TRO: variants seen among roughly 807,000 people sequenced by gnomAD.
The protein encoded by TRO is MAGE superfamily protein.
In TRO, 29 loss-of-function variants were observed where a neutral mutation model predicts 42.3. The observed-to-expected ratio is 0.68, with a 90% CI of 0.51 to 0.93. TRO has a LOEUF of 0.93. Among genes scored for constraint, TRO ranks in the 40% least tolerant of loss-of-function variants. The pLI is 0.00. For missense variants in TRO, 963 were observed against 1,127.7 expected (o/e 0.85, Z 2.09); for synonymous variants, 384 against 425.2 (o/e 0.90, Z 1.19).
Position 54,923,285 on chromosome X carries a change from C to T in TRO, c.753C>T (p.Ser251=). ...CCAGTATCCACACCACAGCAGCCTC[C>T]ATCCGAACCAAGAAAGCCTCCAAAG... is the stretch of plus-strand genomic sequence containing the variant. The part of the protein sequence containing the change: ...ETASIHTTAA[S]IRTKKASKAR... The change falls in exon 3 of 13, where the codon TCC becomes TCT. Residue 251 remains serine, a synonymous_variant. Transcript: ENST00000173898. 1 of 1,211,585 alleles carries T rather than the reference C, an allele frequency of 8.3e-7. No individual in the cohort carries two copies. Among genetic ancestry groups the T allele is most frequent in the Non-Finnish European group, 1.1e-6 (1 of 895,429 alleles).
Position 54,928,907 on chromosome X carries a change from G to A in TRO, c.2183G>A (p.Ser728Asn), listed in dbSNP as rs1472215159. The stretch of plus-strand genomic sequence containing the variant: ...AACGTCAACTTCAGCAGAGGAGCTA[G>A]TACCAGGGCTGGCTTCAGCGATGGT... Reference protein sequence around the residue: ...STNVNFSRGASTRAGFSDGAS... With the variant: ...STNVNFSRGANTRAGFSDGAS... Residue 728 changes from serine (S) to asparagine (N), a missense_variant, in exon 12 of 13, where the codon AGT (serine) becomes AAT (asparagine). This residue lies in a region of TRO where 641 missense variants were observed against 811.3 expected (regional missense o/e 0.79). Transcript: ENST00000173898. The A allele has an allele frequency of 9.1e-6, 11 of 1,211,460 alleles. No homozygotes were observed. The highest frequency in any genetic ancestry group is 1.2e-5 in the Non-Finnish European group (11 of 895,190).
chrX:54,924,023 G>A (rs779852693), intron 3 of TRO: 77 of 389,544 alleles, frequency 2.0e-4, no homozygotes, highest in African/African-American at 1.7e-3. Flanking sequence ...TAGTTACCAC[G>A]TGCCAGGCTT....
Position 54,927,040 on chromosome X carries a change from C to T in TRO, c.1701-3C>T. 1 of 1,211,376 alleles carries T rather than the reference C, an allele frequency of 8.3e-7. No individual in the cohort carries two copies. On this transcript the variant is annotated splice_polypyrimidine_tract_variant and splice_region_variant and intron_variant, in intron 9 of 12. Transcript: ENST00000173898. Reference sequence around the variant, plus strand: ...GTTCATGGGTTATTTTTCCCATTGTCAGGGTGAGGCATTCACTCTTTGGGG... The same window carrying T: ...GTTCATGGGTTATTTTTCCCATTGTTAGGGTGAGGCATTCACTCTTTGGGG...
At chrX:54,925,952 T>C (rs1403583300) in intron 7 of TRO, among the ~76,000 whole-genome samples, 1 of 112,057 alleles carries the variant, frequency 8.9e-6, no homozygotes, top group East Asian at 2.8e-4. Context: ...AGCAGGCCTG[T>C]CATTGCTTGC....
Position 54,929,615 on chromosome X carries a change from G to C in TRO, c.2891G>C (p.Ser964Thr). The C allele has an allele frequency of 8.3e-7, 1 of 1,211,619 alleles. No homozygotes were observed. The highest frequency in any genetic ancestry group is 1.1e-6 in the Non-Finnish European group (1 of 895,287). Residue 964 changes from serine (S) to threonine (T), a missense_variant, in exon 12 of 13, where the codon AGC (serine) becomes ACC (threonine). By Grantham distance (58) the Ser-to-Thr change is moderately conservative. Coordinates refer to ENST00000173898, the MANE Select transcript of TRO (RefSeq NM_001039705.3). ...AGCATCTGCTTTGATGGCTCTCCCA[G>C]CACTGGTGCTGGCTTTGGTGGTGCT... is the stretch of plus-strand genomic sequence containing the variant. ...STSICFDGSP[S>T]TGAGFGGALN...
rs1569546238 is a variant in TRO, at chrX:54,925,664, T to C, written c.1558T>C (p.Ser520Pro). 8.3e-7 allele frequency: 1 copy of C among 1,209,242 alleles called. No homozygotes were observed. The highest frequency in any genetic ancestry group is 1.1e-6 in the Non-Finnish European group (1 of 893,540). ...LYILISTQESSAGILGTTKDT... is the reference protein window; with the variant it reads ...LYILISTQESPAGILGTTKDT... ...TATTCTCATCAGCACTCAGGAATCC[T>C]CTGCAGGCATACTGGGAACGTAAGC... The change falls in exon 7 of 13, where the codon TCT becomes CCT. Residue 520 changes from serine to proline, a missense_variant. By Grantham distance (74) the Ser-to-Pro change is moderately conservative. Around this residue, in one of 2 missense-constraint regions of TRO, gnomAD observed 641 missense variants for 811.3 expected, o/e 0.79. Transcript: ENST00000173898.
In TRO at chrX:54,926,427, A is replaced by G. The variant is rs772521657; in HGVS notation, c.1595A>G (p.Lys532Arg). The change falls in exon 8 of 13, where the codon AAG becomes AGG. Residue 532 changes from lysine to arginine, a missense_variant. Coordinates refer to ENST00000173898, the MANE Select transcript of TRO (RefSeq NM_001039705.3). Reference sequence around the variant, plus strand: ...TCCCTTAGGACCAAGGACACACCCAAGCTGGGTCTCCTCATGGTGATTCTG... The same window carrying G: ...TCCCTTAGGACCAAGGACACACCCAGGCTGGGTCTCCTCATGGTGATTCTG... Reference protein sequence around the residue: ...GILGTTKDTPKLGLLMVILSV... With the variant: ...GILGTTKDTPRLGLLMVILSV... 5.0e-6 allele frequency: 6 copies of G among 1,210,237 alleles called. No individual in the cohort carries two copies. In the East Asian group the frequency reaches 1.8e-4, roughly 36 times the overall value.
At position 54,931,392 on chromosome X, in the gene TRO, A is replaced by T; in HGVS notation, c.*200A>T. On this transcript the variant is annotated 3_prime_UTR_variant, in exon 13 of 13. Transcript: ENST00000173898. ...TATTGTTTGCTTTCTGTGTGCTGTCATATTTTGGTATCAGAGTTACATTAA... is the reference window on the plus strand; with the variant it reads ...TATTGTTTGCTTTCTGTGTGCTGTCTTATTTTGGTATCAGAGTTACATTAA... The T allele has an allele frequency of 8.7e-7, 1 of 1,145,039 alleles. No homozygotes were observed. Among genetic ancestry groups the T allele is most frequent in the Non-Finnish European group, 1.2e-6 (1 of 839,128 alleles). The allele number at this position is 1,145,039 out of a possible 1,213,427, so 94.4% of individuals were successfully genotyped here. A position where few individuals can be genotyped will look rare whatever the true frequency, so the allele number is the denominator to read the frequency against.
intron 3 of TRO, 91 bp from the exon 4 acceptor site, chrX:54,924,360 G>T: frequency 1.2e-6 from 1 of 867,704 alleles, no homozygotes; most frequent in South Asian, 2.6e-5. Context: ...GGGGGTTAGA[G>T]GGACTTTCTG....
At chrX:54,924,406 C>T in intron 3 of TRO, 45 bp from the exon 4 acceptor site, 2 of 1,112,294 alleles carry the variant, frequency 1.8e-6, no homozygotes, top group Non-Finnish European at 2.4e-6. Flanking sequence ...AGAGCCATCT[C>T]TTTCACCTGG....
In TRO at chrX:54,923,461, C is replaced by A; in HGVS notation, c.929C>A (p.Pro310Gln). 1 of 1,189,005 alleles carries A rather than the reference C, an allele frequency of 8.4e-7. No individual in the cohort carries two copies. Among genetic ancestry groups the A allele is most frequent in the Non-Finnish European group, 1.1e-6 (1 of 883,355 alleles). Reference sequence around the variant, plus strand: ...GGCAAGAAGGCTGCCAGCAGGGGCCCAAATTCTGTCTCTGAGATCTCTGAG... The same window carrying A: ...GGCAAGAAGGCTGCCAGCAGGGGCCAAAATTCTGTCTCTGAGATCTCTGAG... ...SKGKKAASRG[P>Q]NSVSEISEAP... Residue 310 changes from proline to glutamine, a missense_variant, in exon 3 of 13, where the codon CCA becomes CAA. Transcript: ENST00000173898.
rs749528479 is a variant in TRO at position 54,929,658 on chromosome X, C to T, written c.2934C>T (p.Ser978=). The stretch of plus-strand genomic sequence containing the variant: ...GTGGTGCTCTCAACACCAGTGCCAG[C>T]TTTGGCAGTGTGCTCAACACCAGTA... ...GFGGALNTSA[S]FGSVLNTSTG... The change falls in exon 12 of 13, where the codon AGC becomes AGT. Residue 978 remains serine, a synonymous_variant. Transcript: ENST00000173898. 5.0e-6 allele frequency: 6 copies of T among 1,210,150 alleles called. No individual in the cohort carries two copies. The South Asian group carries it at 8.8e-5, about 18-fold the overall frequency.
In TRO at chrX:54,931,207, T is replaced by C. The variant is rs1933158216; in HGVS notation, c.*15T>C. 3 of 1,209,724 alleles carry C rather than the reference T, an allele frequency of 2.5e-6. No individual in the cohort carries two copies. The highest frequency in any genetic ancestry group is 3.5e-5 in the South Asian group (2 of 56,722). On this transcript the variant is annotated 3_prime_UTR_variant, in exon 13 of 13. Transcript: ENST00000173898. ...TTCCTATTTGTTTTGTTTTCAGATT[T>C]ATTCCCCATGTTTACAGATACCGCT...
Position 54,927,766 on chromosome X carries a change from C to G in TRO, c.1863C>G (p.Leu621=). 8.3e-7 allele frequency: 1 copy of G among 1,210,095 alleles called. No individual in the cohort carries two copies. Among genetic ancestry groups the G allele is most frequent in the Non-Finnish European group, 1.1e-6 (1 of 894,473 alleles). ...ACGAGACTAGCAAGATGAAAGTCCT[C>G]AAGTTTGCATGCAGGGTAAGAGGAG... is the stretch of plus-strand genomic sequence containing the variant. ...SYHETSKMKV[L]KFACRVQKKD... is the part of the protein sequence containing the mutation. Residue 621 remains leucine (L), a synonymous_variant, in exon 11 of 13, where the codon CTC becomes CTG. Coordinates refer to ENST00000173898, the MANE Select transcript of TRO (RefSeq NM_001039705.3).
intron 8 of TRO, 37 bp downstream of exon 8, chrX:54,926,526 G>T (rs999195995): frequency 8.3e-7 from 1 of 1,209,339 alleles, no homozygotes; most frequent in Non-Finnish European, 1.1e-6. Flanking sequence ...GGGCGGCCAT[G>T]GTCTGGATTC....
rs60674633 is a variant in TRO at position 54,922,725 on chromosome X, C to G, written c.193C>G (p.Arg65Gly). The G allele has an allele frequency of 1.7e-6, 2 of 1,207,175 alleles. No individual in the cohort carries two copies. ...SLAMDPPVVN[R>G]PKKSKTKKAP... ...GGCCATGGACCCACCAGTTGTCAAC[C>G]GGCCTAAGAAAAGCAAGACCAAGAA... The change falls in exon 3 of 13, where the codon CGG becomes GGG. Residue 65 changes from arginine (R) to glycine (G), a missense_variant. By Grantham distance (125) the Arg-to-Gly change is moderately radical. Around this residue, in one of 2 missense-constraint regions of TRO, gnomAD observed 322 missense variants for 316.5 expected, o/e 1.02. Coordinates refer to ENST00000173898, the MANE Select transcript of TRO (RefSeq NM_001039705.3).
At chrX:54,922,044 A>C in intron 1 of TRO, 159 bp from the exon 2 acceptor site, 1 of 394,470 alleles carries the variant, frequency 2.5e-6, no homozygotes, top group Non-Finnish European at 4.4e-6. Context: ...TCTCGGAGGC[A>C]AAAGGAGCTG....
rs1180116008 is a variant in TRO, at chrX:54,923,458, G to A, written c.926G>A (p.Gly309Asp). ...KSKGKKAASR[G>D]PNSVSEISEA... Reference sequence around the variant, plus strand: ...AAGGGCAAGAAGGCTGCCAGCAGGGGCCCAAATTCTGTCTCTGAGATCTCT... The same window carrying A: ...AAGGGCAAGAAGGCTGCCAGCAGGGACCCAAATTCTGTCTCTGAGATCTCT... The change falls in exon 3 of 13, where the codon GGC (glycine) becomes GAC (aspartate). Residue 309 changes from glycine (G) to aspartate (D), a missense_variant. This residue lies in a region of TRO where 322 missense variants were observed against 316.5 expected (regional missense o/e 1.02). Transcript: ENST00000173898. 3.4e-6 allele frequency: 4 copies of A among 1,188,190 alleles called. No individual in the cohort carries two copies. Among genetic ancestry groups the A allele is most frequent in the African/African-American group, 1.8e-5 (1 of 56,903 alleles).
Position 54,929,409 on chromosome X carries a change from C to T in TRO, c.2685C>T (p.Thr895=), listed in dbSNP as rs374689430. 8.2e-7 allele frequency: 1 copy of T among 1,212,214 alleles called. No homozygotes were observed. The highest frequency in any genetic ancestry group is 1.1e-6 in the Non-Finnish European group (1 of 895,578). Residue 895 remains threonine (T), a synonymous_variant, in exon 12 of 13, where the codon ACC becomes ACT. Transcript: ENST00000173898. The part of the protein sequence containing the change: ...TSTGFGGILS[T]SVCFGGSPSS... ...CTGGCTTTGGAGGCATACTCAGCACCAGTGTCTGTTTTGGTGGCTCTCCCA... is the reference window on the plus strand; with the variant it reads ...CTGGCTTTGGAGGCATACTCAGCACTAGTGTCTGTTTTGGTGGCTCTCCCA...
Sources: gnomAD v4.1 joint callset for allele counts (sites outside exome capture counted in the v4.1 genomes callset) on GRCh38, gnomAD v4.1.1 for gene constraint, gnomAD v4.1.1 regional missense constraint, MANE v1.5 for transcripts, NCBI Gene and HGNC (gene_info 2026-07-23, HGNC 2026-07-21) for gene names.